The following GPR158 variants were observed in gnomAD, a reference collection of about 807,000 sequenced individuals.
GPR158 encodes G protein-coupled receptor 158, also known as metabotropic glycine receptor.
Under a neutral mutation model 78.2 loss-of-function variants are expected in GPR158, and 30 were observed. The observed-to-expected ratio is 0.38, with a 90% confidence interval of 0.29 to 0.52. The LOEUF (loss-of-function observed/expected upper bound fraction) is 0.52. Among genes scored for constraint, GPR158 ranks in the 20% least tolerant of loss-of-function variants. GPR158 has a pLI of 0.83. For missense variants in GPR158, 1,463 were observed against 1,523.5 expected (o/e 0.96, Z 0.66); for synonymous variants, 581 against 591.1 (o/e 0.98, Z 0.25).
intron 2 of GPR158, among the ~76,000 whole-genome samples, chr10:25,382,451 T>C (rs1415214310): frequency 6.6e-6 from 1 of 152,200 alleles, no homozygotes; most frequent in African/African-American, 2.4e-5. Flanking sequence ...AACGATGTCA[T>C]AAAATAAAAC....
At chr10:25,252,166 A>C (rs1181353169) in intron 2 of GPR158, among the ~76,000 whole-genome samples, 2 of 151,650 alleles carry the variant, frequency 1.3e-5, no homozygotes, top group East Asian at 3.9e-4. Flanking sequence ...CAGCTCCATC[A>C]GCTCCTTTAA....
At chr10:25,241,188 TC>T (rs1276950529) in intron 2 of GPR158, among the ~76,000 whole-genome samples, 109 of 106,978 alleles carry the variant, frequency 1.0e-3, no homozygotes, top group South Asian at 5.0e-3. Flanking sequence ...TTTCTTTCTT[TC>T]CTTTCTTTCT....
chr10:25,580,929 T>C (rs993854965), intron 7 of GPR158, among the ~76,000 whole-genome samples: 1 of 102,954 alleles, frequency 9.7e-6, no homozygotes, highest in Admixed American at 9.0e-5. Flanking sequence ...TTTTATTTTA[T>C]TTTTTTGAGA....
At chr10:25,461,484 TGA>T (rs1444025840) in intron 4 of GPR158, among the ~76,000 whole-genome samples, 1 of 152,124 alleles carries the variant, frequency 6.6e-6, no homozygotes, top group Non-Finnish European at 1.5e-5. Flanking sequence ...CTGTGAAGGC[TGA>T]GAGAGTTGAG....
chr10:25,426,990 A>G (rs58328759), intron 4 of GPR158, among the ~76,000 whole-genome samples: 87,803 of 148,794 alleles, frequency 0.59, 26,689 homozygotes, highest in Non-Finnish European at 0.69. Context: ...AGATAGTTTT[A>G]ATATTTTTTT....
At chr10:25,430,947 C>A (rs565132404) in intron 4 of GPR158, among the ~76,000 whole-genome samples, 2 of 148,246 alleles carry the variant, frequency 1.3e-5, no homozygotes, top group Non-Finnish European at 3.0e-5. Flanking sequence ...AGGACATAGG[C>A]ATGGGCAAGG....
chr10:25,209,372 C>A (rs1360306509), intron 1 of GPR158, among the ~76,000 whole-genome samples: 1 of 152,130 alleles, frequency 6.6e-6, no homozygotes, highest in African/African-American at 2.4e-5. Flanking sequence ...CATTAGAGGG[C>A]TGAACAGAAT....
chr10:25,217,501 C>T (rs1853233601), intron 1 of GPR158, among the ~76,000 whole-genome samples: 1 of 152,166 alleles, frequency 6.6e-6, no homozygotes, highest in South Asian at 2.1e-4. Flanking sequence ...ATATAAACTT[C>T]AAGAGCTACA....
chr10:25,407,198 G>A (rs755663463), intron 3 of GPR158, among the ~76,000 whole-genome samples: 71 of 152,088 alleles, frequency 4.7e-4, no homozygotes, highest in Non-Finnish European at 1.6e-4. Context: ...TAGCTGTTTC[G>A]TAGTGGCAAC....
chr10:25,426,912 G>T (rs534465593), intron 4 of GPR158, among the ~76,000 whole-genome samples: 2 of 152,056 alleles, frequency 1.3e-5, no homozygotes, highest in Non-Finnish European at 2.9e-5. Context: ...ATGTATGCTA[G>T]TATGAGTTTT....
intron 2 of GPR158, among the ~76,000 whole-genome samples, chr10:25,253,249 T>C (rs1158063455): frequency 1.3e-5 from 2 of 152,164 alleles, no homozygotes; most frequent in African/African-American, 4.8e-5. Context: ...GTACCTCAGA[T>C]GGAAATGCAG....
chr10:25,196,610 T>C (rs1186412746), intron 1 of GPR158, among the ~76,000 whole-genome samples: 1 of 152,250 alleles, frequency 6.6e-6, no homozygotes, highest in Non-Finnish European at 1.5e-5. Flanking sequence ...AACAGATCTC[T>C]GCCTTGACTA....
intron 5 of GPR158, among the ~76,000 whole-genome samples, chr10:25,550,404 A>C (rs1034668848): frequency 7.2e-5 from 11 of 152,120 alleles, no homozygotes; most frequent in Admixed American, 3.9e-4. Context: ...ACTGTTTGCA[A>C]GATGCAGTAT....
intron 5 of GPR158, among the ~76,000 whole-genome samples, chr10:25,539,965 G>A (rs765064618): frequency 5.3e-5 from 8 of 152,130 alleles, no homozygotes; most frequent in Non-Finnish European, 8.8e-5. Flanking sequence ...AGTTTAATTA[G>A]ATCCTCTGCA....
Position 25,316,398 on chromosome 10 carries a change from T to G in GPR158, c.1009-79513T>G, listed in dbSNP as rs553347500. On this transcript the variant is annotated intron_variant, in intron 2 of 10. Transcript: ENST00000376351. ...AAGTAGTTCAGTCCAAAGAACTTAA[T>G]AAATATTTATGTTCTAACAACTTGG... Among the ~76,000 whole-genome samples, 495 of 152,338 alleles carry G rather than the reference T, an allele frequency of 3.2e-3. 1 individual carries two copies. The highest frequency in any genetic ancestry group is 0.011 in the African/African-American group (455 of 41,584).
chr10:25,579,557 T>A (rs576622568), intron 7 of GPR158, among the ~76,000 whole-genome samples: 4 of 152,346 alleles, frequency 2.6e-5, no homozygotes, highest in African/African-American at 9.6e-5. Flanking sequence ...TTGAAGATAC[T>A]GAAGCGGAAC....
chr10:25,356,413 A>C (rs1457956031), intron 2 of GPR158, among the ~76,000 whole-genome samples: 2 of 151,798 alleles, frequency 1.3e-5, no homozygotes, highest in Non-Finnish European at 2.9e-5. Flanking sequence ...TTGTTGACTT[A>C]TTGGTTGTTT....
chr10:25,500,172 G>A (rs1212718474), intron 5 of GPR158, among the ~76,000 whole-genome samples: 2 of 152,166 alleles, frequency 1.3e-5, no homozygotes, highest in Non-Finnish European at 2.9e-5. Context: ...AGGAAGATAC[G>A]ACAGATGTGT....
intron 2 of GPR158, among the ~76,000 whole-genome samples, chr10:25,324,398 T>G (rs1407278009): frequency 1.3e-5 from 2 of 151,874 alleles, no homozygotes; most frequent in African/African-American, 4.8e-5. Flanking sequence ...GAGTGAGGAG[T>G]GGAAGAGATA....
Sources: gnomAD v4.1 joint callset for allele counts (sites outside exome capture counted in the v4.1 genomes callset) on GRCh38, gnomAD v4.1.1 for gene constraint, MANE v1.5 for transcripts, NCBI Gene and HGNC (gene_info 2026-07-23, HGNC 2026-07-21) for gene names.